The following CHST9 variants were observed in gnomAD, a reference collection of about 807,000 sequenced individuals.
CHST9 encodes the protein carbohydrate sulfotransferase 9.
CHST9 carries 41 observed loss-of-function variants against 44.4 expected under a neutral mutation model. The observed-to-expected ratio is 0.92, with a 90% CI of 0.72 to 1.20. CHST9 has a LOEUF of 1.20. CHST9 is among the 50% of genes most tolerant of loss of function. The probability of loss-of-function intolerance (pLI) is 0.00; values close to 1 mark genes in which losing one functional copy is unlikely to be tolerated. For missense variants in CHST9, 504 were observed against 516.5 expected (o/e 0.98, Z 0.23); for synonymous variants, 171 against 178.4 (o/e 0.96, Z 0.33).
intron 4 of CHST9, among the ~76,000 whole-genome samples, chr18:26,946,579 T>A (rs1766215897): frequency 6.6e-6 from 1 of 152,216 alleles, no homozygotes; most frequent in African/African-American, 2.4e-5. Context: ...GGTAGTGACA[T>A]CAGAATAGCA....
At chr18:27,003,121 T>C (rs1488220744) in intron 4 of CHST9, among the ~76,000 whole-genome samples, 3 of 152,158 alleles carry the variant, frequency 2.0e-5, no homozygotes, top group East Asian at 1.9e-4. Flanking sequence ...ACATTTGTTG[T>C]TTGCGTGAAT....
At chr18:26,977,183 C>G (rs2056633454) in intron 4 of CHST9, among the ~76,000 whole-genome samples, 1 of 151,850 alleles carries the variant, frequency 6.6e-6, no homozygotes, top group Non-Finnish European at 1.5e-5. Flanking sequence ...ATATATAAAG[C>G]CTTTTAATTT....
chr18:27,167,696 G>A (rs1292559618), intron 1 of CHST9, among the ~76,000 whole-genome samples: 1 of 152,118 alleles, frequency 6.6e-6, no homozygotes, highest in Non-Finnish European at 1.5e-5. Context: ...AAAATCAAGG[G>A]GTAAGGTAGA....
At chr18:27,105,122 G>A (rs920369655) in intron 2 of CHST9, among the ~76,000 whole-genome samples, 1 of 151,882 alleles carries the variant, frequency 6.6e-6, no homozygotes, top group Non-Finnish European at 1.5e-5. Context: ...AAGACAGCAT[G>A]TGAGGCATTA....
chr18:26,945,702 A>C (rs2056151807), intron 4 of CHST9, among the ~76,000 whole-genome samples: 1 of 152,196 alleles, frequency 6.6e-6, no homozygotes, highest in Non-Finnish European at 1.5e-5. Context: ...AGTTTTGACT[A>C]TCATGAATAA....
At chr18:27,106,135 T>C (rs1203105368) in intron 2 of CHST9, among the ~76,000 whole-genome samples, 1 of 152,142 alleles carries the variant, frequency 6.6e-6, no homozygotes, top group African/African-American at 2.4e-5. Context: ...TATCAATATA[T>C]AAACAGCCAG....
chr18:27,036,998 A>G (rs967391732), intron 3 of CHST9, among the ~76,000 whole-genome samples: 5 of 152,056 alleles, frequency 3.3e-5, no homozygotes, highest in Admixed American at 1.3e-4. Context: ...GTCTCCTTAC[A>G]CCACTGCTGG....
rs149284549 is a variant in CHST9, at chr18:27,047,075, AG to A, written c.160+1389del. 5.3e-3 allele frequency among the ~76,000 whole-genome samples: 811 copies of A among 152,128 alleles called. 5 individuals carry two copies. Among genetic ancestry groups the A allele is most frequent in the Admixed American group, 8.7e-3 (133 of 15,248 alleles). On this transcript the variant is annotated intron_variant, in intron 3 of 5. Coordinates refer to ENST00000618847, the MANE Select transcript of CHST9 (RefSeq NM_031422.6). Reference sequence around the variant, plus strand: ...CGTTAGCATGGTGGGGGTGCAGGAAAGGGTAGGGAGTGGAGATGCCTGAGTC... The same window carrying A: ...CGTTAGCATGGTGGGGGTGCAGGAAAGGTAGGGAGTGGAGATGCCTGAGTC...
At chr18:27,055,612 CAAT>C (rs2057645709) in intron 2 of CHST9, among the ~76,000 whole-genome samples, 1 of 151,928 alleles carries the variant, frequency 6.6e-6, no homozygotes, top group East Asian at 1.9e-4. Context: ...TGGAATTGGA[CAAT>C]AATAGTAAAA....
intron 2 of CHST9, among the ~76,000 whole-genome samples, chr18:27,079,828 A>G (rs2143676798): frequency 6.6e-6 from 1 of 152,170 alleles, no homozygotes; most frequent in African/African-American, 2.4e-5. Context: ...CTGGCTCACA[A>G]CCCTCTTAAA....
chr18:26,912,136 G>A lies in CHST9; in HGVS notation c.*4123C>T, dbSNP rs993079869. The A allele has an allele frequency of 2.0e-5, 3 of 151,956 alleles. No homozygotes were observed. Among genetic ancestry groups the A allele is most frequent in the African/African-American group, 7.3e-5 (3 of 41,370 alleles). The allele number at this position is 151,956 out of a possible 1,614,324, so 9.4% of individuals were successfully genotyped here. On this transcript the variant is annotated 3_prime_UTR_variant, in exon 6 of 6. Transcript: ENST00000618847. The stretch of plus-strand genomic sequence containing the variant: ...TCTTAGATTCTGCTTATCCTTGACT[G>A]GTCTTGTAGCTGTCTGGAATTTCTT...
At chr18:27,121,212 C>T (rs1311707083) in intron 2 of CHST9, among the ~76,000 whole-genome samples, 1 of 151,880 alleles carries the variant, frequency 6.6e-6, no homozygotes, top group Non-Finnish European at 1.5e-5. Flanking sequence ...ACTATGTTGC[C>T]CAGGTTGCTC....
chr18:27,104,511 C>T (rs1322633285), intron 2 of CHST9, among the ~76,000 whole-genome samples: 1 of 152,192 alleles, frequency 6.6e-6, no homozygotes, highest in East Asian at 1.9e-4. Flanking sequence ...AGAGATGCTG[C>T]TGGGAGACAA....
rs530766801 is a variant in CHST9 at position 27,105,973 on chromosome 18, T to A, written c.121+36716A>T. Among the ~76,000 whole-genome samples the A allele has an allele frequency of 1.1e-4, 16 of 152,298 alleles. No individual in the cohort carries two copies. The East Asian group carries it at 2.7e-3, about 26-fold the overall frequency. On this transcript the variant is annotated intron_variant, in intron 2 of 5. Transcript: ENST00000618847. The stretch of plus-strand genomic sequence containing the variant: ...AAATACATTTCGCAAATTTTTAGGA[T>A]TCCGACTCACTGTGTAAACTTTCTA...
At chr18:26,926,515 A>G (rs1335144901) in intron 5 of CHST9, among the ~76,000 whole-genome samples, 1 of 152,224 alleles carries the variant, frequency 6.6e-6, no homozygotes, top group African/African-American at 2.4e-5. Flanking sequence ...ATATGCTTTT[A>G]TAGATTTATC....
intron 2 of CHST9, among the ~76,000 whole-genome samples, chr18:27,101,945 TAAA>T (rs758921913): frequency 3.3e-5 from 5 of 152,182 alleles, no homozygotes; most frequent in African/African-American, 1.2e-4. Context: ...TTAAGTAAAT[TAAA>T]AACCACAGGA....
At chr18:26,996,015 T>C (rs2056884120) in intron 4 of CHST9, among the ~76,000 whole-genome samples, 2 of 152,232 alleles carry the variant, frequency 1.3e-5, no homozygotes, top group South Asian at 4.1e-4. Flanking sequence ...CCCGTCTGGA[T>C]GATAGAGCCA....
intron 5 of CHST9, among the ~76,000 whole-genome samples, chr18:26,940,893 G>C (rs1478198369): frequency 6.6e-6 from 1 of 152,216 alleles, no homozygotes; most frequent in Non-Finnish European, 1.5e-5. Flanking sequence ...TATAAGAAGG[G>C]GAGGGACACA....
chr18:26,957,490 T>G (rs1357875933), intron 4 of CHST9, among the ~76,000 whole-genome samples: 1 of 152,100 alleles, frequency 6.6e-6, no homozygotes, highest in African/African-American at 2.4e-5. Context: ...GAAATAGGAA[T>G]TTTTAGCTGT....
Sources: gnomAD v4.1 joint callset for allele counts (sites outside exome capture counted in the v4.1 genomes callset) on GRCh38, gnomAD v4.1.1 for gene constraint, MANE v1.5 for transcripts, NCBI Gene and HGNC (gene_info 2026-07-23, HGNC 2026-07-21) for gene names.